Variants in FANK1 observed in about 807,000 individuals in gnomAD.
FANK1 encodes the protein fibronectin type III and ankyrin repeat domains 1, also known as fibronectin type 3 and ankyrin repeat domains protein 1.
Under a neutral mutation model 45.3 loss-of-function variants are expected in FANK1, and 44 were observed. That is an observed-to-expected ratio of 0.97 (90% CI 0.76 to 1.25). The LOEUF (loss-of-function observed/expected upper bound fraction) is 1.25, where lower values mean the gene tolerates loss of function less well. Among genes scored for constraint, FANK1 ranks in the 50% most tolerant of loss-of-function variants. The probability of loss-of-function intolerance (pLI) is 0.00; values close to 1 mark genes in which losing one functional copy is unlikely to be tolerated. For synonymous variants in FANK1, 149 were observed against 152.5 expected (o/e 0.98, Z 0.17); for missense variants, 391 against 424.4 (o/e 0.92, Z 0.69).
chr10:125,985,337 AAATATCT>A (rs1216484663), intron 2 of FANK1, among the ~76,000 whole-genome samples: 1 of 152,332 alleles, frequency 6.6e-6, no homozygotes, highest in African/African-American at 2.4e-5. Context: ...TCTATGACTC[AAATATCT>A]AAGTATTCAT....
chr10:125,994,335 C>A, intron 3 of FANK1: 4 of 944,454 alleles, frequency 4.2e-6, no homozygotes, highest in Non-Finnish European at 5.0e-6. Context: ...TTCATGCTAA[C>A]CCCCTAGAGC....
At chr10:125,954,708 T>G (rs1206270405) in intron 1 of FANK1, among the ~76,000 whole-genome samples, 1 of 151,952 alleles carries the variant, frequency 6.6e-6, no homozygotes, top group Non-Finnish European at 1.5e-5. Flanking sequence ...TCACTTGAGG[T>G]CAGGAGTTCG....
intron 1 of FANK1, among the ~76,000 whole-genome samples, chr10:125,962,350 T>A (rs1290655873): frequency 1.3e-5 from 2 of 152,154 alleles, no homozygotes; most frequent in African/African-American, 4.8e-5. Context: ...GGTTGTTGGA[T>A]TTGTGGGTTT....
intron 3 of FANK1, among the ~76,000 whole-genome samples, chr10:125,991,287 T>G (rs918031836): frequency 5.3e-5 from 5 of 93,628 alleles, no homozygotes; most frequent in Admixed American, 4.1e-4. Context: ...GTTGGGGGAG[T>G]GATCCTGGCC....
At chr10:125,976,781 C>G (rs1950882712) in intron 1 of FANK1, among the ~76,000 whole-genome samples, 1 of 152,088 alleles carries the variant, frequency 6.6e-6, no homozygotes, top group Non-Finnish European at 1.5e-5. Flanking sequence ...TGCCACTATG[C>G]CTGGCTAATT....
intron 2 of FANK1, among the ~76,000 whole-genome samples, chr10:125,984,286 G>T (rs1326666413): frequency 1.3e-5 from 2 of 152,208 alleles, no homozygotes; most frequent in African/African-American, 4.8e-5. Context: ...CTGTAGCAGG[G>T]GAGAGAGCAT....
At chr10:125,955,714 C>A (rs1949535006) in intron 1 of FANK1, among the ~76,000 whole-genome samples, 1 of 152,178 alleles carries the variant, frequency 6.6e-6, no homozygotes, top group African/African-American at 2.4e-5. Flanking sequence ...TCAAGCAATT[C>A]TCATGCCTCA....
At chr10:125,919,771 T>G (rs199881155) in intron 1 of FANK1, among the ~76,000 whole-genome samples, 1 of 152,138 alleles carries the variant, frequency 6.6e-6, no homozygotes, top group South Asian at 2.1e-4. Flanking sequence ...TATTTTCTCA[T>G]TTGGCACTTC....
At chr10:125,986,561 A>G (rs11244752) in intron 2 of FANK1, among the ~76,000 whole-genome samples, 63,098 of 151,982 alleles carry the variant, frequency 0.42, 13,288 homozygotes, top group South Asian at 0.47. Flanking sequence ...GCCCTGACTC[A>G]CCGCAGTGAG....
intron 1 of FANK1, among the ~76,000 whole-genome samples, chr10:125,958,830 G>T (rs1241009789): frequency 6.6e-6 from 1 of 152,156 alleles, no homozygotes; most frequent in Non-Finnish European, 1.5e-5. Context: ...AAGTTGCATA[G>T]TTTGAGAATA....
intron 7 of FANK1, among the ~76,000 whole-genome samples, chr10:126,006,727 G>C (rs774075370): frequency 6.6e-6 from 1 of 152,204 alleles, no homozygotes; most frequent in Non-Finnish European, 1.5e-5. Flanking sequence ...AGGCGTGGTG[G>C]TGGGCACCTG....
chr10:125,909,559 G>C (rs1945820367), intron 1 of FANK1, among the ~76,000 whole-genome samples: 1 of 148,966 alleles, frequency 6.7e-6, no homozygotes, highest in South Asian at 2.1e-4. Flanking sequence ...GTGTCACTTA[G>C]GCTATAGTGC....
At chr10:125,961,771 C>T (rs556446387) in intron 1 of FANK1, among the ~76,000 whole-genome samples, 1 of 152,114 alleles carries the variant, frequency 6.6e-6, no homozygotes, top group South Asian at 2.1e-4. Flanking sequence ...CATAATGAGA[C>T]CCTGTCTTTT....
chr10:125,902,921 A>G (rs1167035793), intron 1 of FANK1, among the ~76,000 whole-genome samples: 7 of 152,296 alleles, frequency 4.6e-5, no homozygotes, highest in African/African-American at 1.7e-4. Flanking sequence ...TTCAAATCTT[A>G]TCAAGAAATA....
rs574702711 is a variant in FANK1, at chr10:125,906,795, C to T, written c.13+10140C>T. Reference sequence around the variant, plus strand: ...TCAGTTACATGTAGACTGAACCAGTCCCAGCCATCTTTAGTTGGTCTCTAT... The same window carrying T: ...TCAGTTACATGTAGACTGAACCAGTTCCAGCCATCTTTAGTTGGTCTCTAT... On this transcript the variant is annotated intron_variant, in intron 1 of 10. Coordinates refer to ENST00000368693, the MANE Select transcript of FANK1 (RefSeq NM_145235.5). Among the ~76,000 whole-genome samples, 3 of 152,270 alleles carry T rather than the reference C, an allele frequency of 2.0e-5. No individual in the cohort carries two copies. The South Asian group carries it at 6.2e-4, about 32-fold the overall frequency.
chr10:125,967,435 A>G (rs1950252784), intron 1 of FANK1, among the ~76,000 whole-genome samples: 1 of 152,234 alleles, frequency 6.6e-6, no homozygotes. Flanking sequence ...ACTCATACAA[A>G]GTCTTGTGAA....
chr10:125,963,407 A>G (rs765617547), intron 1 of FANK1, among the ~76,000 whole-genome samples: 1 of 152,250 alleles, frequency 6.6e-6, no homozygotes, highest in Admixed American at 6.5e-5. Flanking sequence ...TATCTACCCA[A>G]AGGATTATAA....
rs769127253 is a variant in FANK1, at chr10:125,996,546, C to G, written c.399-4C>G. The G allele has an allele frequency of 6.2e-7, 1 of 1,613,972 alleles. No individual in the cohort carries two copies. On this transcript the variant is annotated splice_polypyrimidine_tract_variant and splice_region_variant and intron_variant, in intron 4 of 10. Transcript: ENST00000368693. The stretch of plus-strand genomic sequence containing the variant: ...GTTTATCTCTTTTCTCTGCTTTTCC[C>G]AAGCCGTGTTAAGGTTGATGTTCCC...
chr10:125,981,496 C>CAAAAAA (rs60627576), intron 2 of FANK1, among the ~76,000 whole-genome samples: 78 of 117,304 alleles, frequency 6.6e-4, no homozygotes, highest in Middle Eastern at 5.0e-3. Flanking sequence ...GACCCTGTCT[C>CAAAAAA]AAAAAAAAAA....
Sources: gnomAD v4.1 joint callset for allele counts (sites outside exome capture counted in the v4.1 genomes callset) on GRCh38, gnomAD v4.1.1 for gene constraint, MANE v1.5 for transcripts, NCBI Gene and HGNC (gene_info 2026-07-23, HGNC 2026-07-21) for gene names.